Variants in SMAP1 observed in about 807,000 individuals in gnomAD.
The protein encoded by SMAP1 is stromal membrane-associated protein 1.
Under a neutral mutation model 58.5 loss-of-function variants are expected in SMAP1, and 24 were observed. That is an observed-to-expected ratio of 0.41 (90% confidence interval 0.30 to 0.58). SMAP1 has a LOEUF of 0.58. SMAP1 is among the 20% of genes least tolerant of loss of function. The pLI, the probability that SMAP1 is intolerant of heterozygous loss-of-function variation, is 0.29. For missense variants in SMAP1, 563 were observed against 566.3 expected (o/e 0.99, Z 0.06); for synonymous variants, 216 against 196.6 (o/e 1.10, Z -0.82).
chr6:70,854,018 A>G (rs911955677), intron 8 of SMAP1, among the ~76,000 whole-genome samples: 5 of 152,140 alleles, frequency 3.3e-5, no homozygotes, highest in African/African-American at 9.7e-5. Flanking sequence ...AGTGTACTTC[A>G]CGTGTTCTGT....
chr6:70,851,831 G>A (rs979077156), intron 7 of SMAP1, among the ~76,000 whole-genome samples: 3 of 152,114 alleles, frequency 2.0e-5, no homozygotes, highest in Non-Finnish European at 1.5e-5. Context: ...ACATTGCAGT[G>A]GCTTGGTACA....
At chr6:70,779,315 T>C (rs1318204221) in intron 4 of SMAP1, among the ~76,000 whole-genome samples, 2 of 152,178 alleles carry the variant, frequency 1.3e-5, no homozygotes, top group East Asian at 3.9e-4. Flanking sequence ...GATGTCAAGA[T>C]GCTGGGATTA....
At chr6:70,806,610 G>A (rs183169409) in intron 6 of SMAP1, among the ~76,000 whole-genome samples, 24 of 152,284 alleles carry the variant, frequency 1.6e-4, no homozygotes, top group East Asian at 1.2e-3. Flanking sequence ...GCTGCAGACC[G>A]GAGCTGTCTT....
intron 7 of SMAP1, among the ~76,000 whole-genome samples, chr6:70,839,626 C>T (rs1770726930): frequency 6.6e-6 from 1 of 152,040 alleles, no homozygotes; most frequent in Non-Finnish European, 1.5e-5. Context: ...TGCAATGACT[C>T]ACAGTGGGTC....
rs371528879 is a variant in SMAP1, at chr6:70,779,757, T to C, written c.414+6332T>C. Reference sequence around the variant, plus strand: ...TTGAATAGAGCATGTTGAATAGAACTGCCCTTGTGAGGGATCCAGGTTGTG... The same window carrying C: ...TTGAATAGAGCATGTTGAATAGAACCGCCCTTGTGAGGGATCCAGGTTGTG... On this transcript the variant is annotated intron_variant, in intron 4 of 10. Coordinates refer to ENST00000370455, the MANE Select transcript of SMAP1 (RefSeq NM_001044305.3). 7.9e-5 allele frequency among the ~76,000 whole-genome samples: 12 copies of C among 152,304 alleles called. No homozygotes were observed. In the East Asian group the frequency reaches 2.3e-3, roughly 29 times the overall value.
chr6:70,817,769 A>G (rs1769702230), intron 6 of SMAP1, among the ~76,000 whole-genome samples: 1 of 152,148 alleles, frequency 6.6e-6, no homozygotes, highest in Admixed American at 6.5e-5. Flanking sequence ...AGTTCCCTGA[A>G]AACCAGGTAG....
At chr6:70,760,584 T>A (rs1282224235) in intron 3 of SMAP1, among the ~76,000 whole-genome samples, 1 of 152,080 alleles carries the variant, frequency 6.6e-6, no homozygotes, top group African/African-American at 2.4e-5. Context: ...AGGGAGAGGC[T>A]GGTAAGAAAA....
At chr6:70,784,441 A>G (rs370661425) in intron 4 of SMAP1, among the ~76,000 whole-genome samples, 45 of 150,310 alleles carry the variant, frequency 3.0e-4, no homozygotes, top group African/African-American at 1.1e-3. Flanking sequence ...GGATCAAATT[A>G]ACACATAACA....
chr6:70,847,022 T>C (rs769965907), intron 7 of SMAP1, among the ~76,000 whole-genome samples: 2 of 152,084 alleles, frequency 1.3e-5, no homozygotes, highest in Non-Finnish European at 2.9e-5. Flanking sequence ...TGAAGTGTTG[T>C]ATTCTTATTT....
At position 70,723,402 on chromosome 6, in the gene SMAP1, C is replaced by T. The variant is rs183823076; in HGVS notation, c.119-8976C>T. ...CTTCAAGGCCTTTGTGTTTATTGTT[C>T]CCTTTACCTTAATTGTGCTTATTGT... On this transcript the variant is annotated intron_variant, in intron 1 of 10. Coordinates refer to ENST00000370455, the MANE Select transcript of SMAP1 (RefSeq NM_001044305.3). Among the ~76,000 whole-genome samples the T allele has an allele frequency of 1.5e-3, 224 of 152,238 alleles. 1 individual carries two copies. The highest frequency in any genetic ancestry group is 5.1e-3 in the African/African-American group (211 of 41,534).
In SMAP1 at chr6:70,725,875, A is replaced by C. The variant is rs562853086; in HGVS notation, c.119-6503A>C. ...AAGGATTGATAGTTCTGGAGAGATGAATAGATAATTTGCATCTCTAAACCT... is the reference window on the plus strand; with the variant it reads ...AAGGATTGATAGTTCTGGAGAGATGCATAGATAATTTGCATCTCTAAACCT... On this transcript the variant is annotated intron_variant, in intron 1 of 10. Transcript: ENST00000370455. 3.3e-5 allele frequency among the ~76,000 whole-genome samples: 5 copies of C among 152,360 alleles called. No individual in the cohort carries two copies. In the East Asian group the frequency reaches 9.6e-4, roughly 29 times the overall value.
At chr6:70,685,103 A>G (rs1180238700) in intron 1 of SMAP1, among the ~76,000 whole-genome samples, 1 of 152,084 alleles carries the variant, frequency 6.6e-6, no homozygotes, top group African/African-American at 2.4e-5. Context: ...ATAAATGAGT[A>G]GGTGTTTGGT....
At chr6:70,792,887 T>C (rs949739135) in intron 5 of SMAP1, among the ~76,000 whole-genome samples, 8 of 152,112 alleles carry the variant, frequency 5.3e-5, no homozygotes, top group African/African-American at 1.9e-4. Flanking sequence ...AACACAACTT[T>C]ACAGGCTCCG....
At chr6:70,846,815 C>T (rs1361614616) in intron 7 of SMAP1, among the ~76,000 whole-genome samples, 3 of 152,130 alleles carry the variant, frequency 2.0e-5, no homozygotes, top group Non-Finnish European at 2.9e-5. Context: ...TGCCTGAGAA[C>T]ACCAGGAAAC....
intron 1 of SMAP1, among the ~76,000 whole-genome samples, chr6:70,673,814 A>G (rs1766365971): frequency 6.6e-6 from 1 of 152,202 alleles, no homozygotes; most frequent in South Asian, 2.1e-4. Context: ...GATGGAAATC[A>G]TTGGTCTCTG....
At chr6:70,686,471 G>A (rs944914301) in intron 1 of SMAP1, among the ~76,000 whole-genome samples, 10 of 152,118 alleles carry the variant, frequency 6.6e-5, no homozygotes, top group African/African-American at 2.2e-4. Context: ...ACTTTTGTCA[G>A]GGTTACTTTG....
intron 1 of SMAP1, among the ~76,000 whole-genome samples, chr6:70,715,342 T>A (rs1264666500): frequency 6.6e-6 from 1 of 152,144 alleles, no homozygotes; most frequent in Non-Finnish European, 1.5e-5. Context: ...TCCACCTGTC[T>A]TGGCCTCCCA....
At chr6:70,853,941 C>G (rs1771285564) in intron 8 of SMAP1, among the ~76,000 whole-genome samples, 1 of 152,238 alleles carries the variant, frequency 6.6e-6, no homozygotes, top group African/African-American at 2.4e-5. Flanking sequence ...TTATTTAGCA[C>G]TGTCACTGGG....
intron 6 of SMAP1, among the ~76,000 whole-genome samples, chr6:70,812,435 A>T (rs1769431486): frequency 6.6e-6 from 1 of 152,226 alleles, no homozygotes; most frequent in African/African-American, 2.4e-5. Flanking sequence ...ATTTGATTAG[A>T]CATGTAGTCT....
Sources: gnomAD v4.1 joint callset for allele counts (sites outside exome capture counted in the v4.1 genomes callset) on GRCh38, gnomAD v4.1.1 for gene constraint, MANE v1.5 for transcripts, NCBI Gene and HGNC (gene_info 2026-07-23, HGNC 2026-07-21) for gene names.